CSMD3: variants seen among roughly 807,000 people sequenced by gnomAD.
The protein encoded by CSMD3 is CUB and sushi domain-containing protein 3.
Under a neutral mutation model 435.2 loss-of-function variants are expected in CSMD3, and 177 were observed. The ratio of observed to expected loss-of-function variants is 0.41; its 90% CI spans 0.36 to 0.46. The LOEUF is 0.46. Among genes scored for constraint, CSMD3 ranks in the 20% least tolerant of loss-of-function variants. The pLI is 0.34. For missense variants in CSMD3, 4,265 were observed against 4,504.6 expected (o/e 0.95, Z 1.52); for synonymous variants, 1,656 against 1,520.5 (o/e 1.09, Z -2.07).
intron 40 of CSMD3, among the ~76,000 whole-genome samples, chr8:112,347,381 C>CT (rs1178530002): frequency 6.6e-6 from 1 of 152,122 alleles, no homozygotes; most frequent in East Asian, 1.9e-4. Context: ...ATACAGAATA[C>CT]TTATTTGCAA....
chr8:112,767,589 T>C (rs2078010976), intron 13 of CSMD3, among the ~76,000 whole-genome samples: 1 of 151,748 alleles, frequency 6.6e-6, no homozygotes, highest in African/African-American at 2.4e-5. Context: ...GGAGTTTAAA[T>C]AAATTAATAT....
intron 2 of CSMD3, among the ~76,000 whole-genome samples, chr8:113,288,330 A>G (rs887367247): frequency 6.6e-6 from 1 of 151,892 alleles, no homozygotes; most frequent in African/African-American, 2.4e-5. Context: ...TCAGCTCACT[A>G]TATTTAAAGA....
At chr8:112,270,904 A>G (rs1817476979) in intron 59 of CSMD3, among the ~76,000 whole-genome samples, 1 of 152,150 alleles carries the variant, frequency 6.6e-6, no homozygotes, top group African/African-American at 2.4e-5. Context: ...TGAAGTCTTT[A>G]TATTTTGTCT....
intron 23 of CSMD3, among the ~76,000 whole-genome samples, chr8:112,582,591 T>C (rs1431374230): frequency 6.7e-6 from 1 of 149,720 alleles, no homozygotes; most frequent in Non-Finnish European, 1.5e-5. Flanking sequence ...ATTTTACTTA[T>C]AATGAGATGA....
intron 59 of CSMD3, among the ~76,000 whole-genome samples, chr8:112,268,092 C>T (rs1817122748): frequency 6.6e-6 from 1 of 152,170 alleles, no homozygotes; most frequent in South Asian, 2.1e-4. Flanking sequence ...ATACCCATCT[C>T]TCTCACACAA....
intron 12 of CSMD3, among the ~76,000 whole-genome samples, chr8:112,807,024 C>A (rs951021374): frequency 1.3e-5 from 2 of 152,194 alleles, no homozygotes; most frequent in East Asian, 1.9e-4. Context: ...GCCCACTGCT[C>A]AAGATAACCA....
chr8:112,848,300 A>G (rs184581697), intron 11 of CSMD3, among the ~76,000 whole-genome samples: 1 of 152,178 alleles, frequency 6.6e-6, no homozygotes, highest in African/African-American at 2.4e-5. Context: ...GCATTTATTT[A>G]TAAAGCAGTA....
intron 17 of CSMD3, among the ~76,000 whole-genome samples, chr8:112,660,290 T>C (rs1405862589): frequency 2.0e-5 from 3 of 152,180 alleles, no homozygotes; most frequent in Non-Finnish European, 2.9e-5. Context: ...AGGCCACTGA[T>C]CAAGGAAGTG....
rs569375852 is a variant in CSMD3 at position 113,324,330 on chromosome 8, T to G, written c.179-9537A>C. On this transcript the variant is annotated intron_variant, in intron 1 of 70. Transcript: ENST00000297405. Reference sequence around the variant, plus strand: ...ACAGGCCTTAAGACCTAGGAGAAAATGGTTTCATGGGCTAGGCCTAGGGTC... The same window carrying G: ...ACAGGCCTTAAGACCTAGGAGAAAAGGGTTTCATGGGCTAGGCCTAGGGTC... 3.3e-5 allele frequency among the ~76,000 whole-genome samples: 5 copies of G among 151,758 alleles called. No individual in the cohort carries two copies. In the East Asian group the frequency reaches 5.8e-4, roughly 18 times the overall value.
intron 4 of CSMD3, among the ~76,000 whole-genome samples, chr8:113,123,677 A>G (rs2091046738): frequency 6.6e-6 from 1 of 152,032 alleles, no homozygotes; most frequent in South Asian, 2.1e-4. Context: ...TCAGGAATAA[A>G]GAGAGAGCAC....
chr8:112,690,843 CT>C (rs2076120019), intron 13 of CSMD3, among the ~76,000 whole-genome samples: 1 of 151,822 alleles, frequency 6.6e-6, no homozygotes, highest in African/African-American at 2.4e-5. Flanking sequence ...CACATAAAAT[CT>C]TAGTAATACA....
At position 112,829,681 on chromosome 8, in the gene CSMD3, CT is replaced by C; in HGVS notation, c.1859+4del. 1 of 1,574,650 alleles carries C rather than the reference CT, an allele frequency of 6.4e-7. No homozygotes were observed. Among genetic ancestry groups the C allele is most frequent in the Non-Finnish European group, 8.7e-7 (1 of 1,144,124 alleles). ...TAAGGCAAAAATGAAACATTGGGAA[CT>C]TACACTTGGAGCACTGTCCTAGGAT... On this transcript the variant is annotated splice_donor_region_variant and intron_variant, in intron 12 of 70. Transcript: ENST00000297405.
At chr8:112,407,710 G>T (rs1280857223) in intron 34 of CSMD3, among the ~76,000 whole-genome samples, 2 of 152,002 alleles carry the variant, frequency 1.3e-5, no homozygotes, top group Non-Finnish European at 2.9e-5. Flanking sequence ...AGATACATTT[G>T]AGATTAACTA....
At chr8:113,358,428 C>T (rs1009151668) in intron 1 of CSMD3, among the ~76,000 whole-genome samples, 1 of 152,152 alleles carries the variant, frequency 6.6e-6, no homozygotes, top group African/African-American at 2.4e-5. Context: ...TCTCAGCTAA[C>T]TGCAACCTCC....
At chr8:112,586,103 G>A (rs1171835795) in intron 23 of CSMD3, among the ~76,000 whole-genome samples, 1 of 151,484 alleles carries the variant, frequency 6.6e-6, no homozygotes, top group Non-Finnish European at 1.5e-5. Context: ...AGCATATCAT[G>A]TTATTGTGTT....
At chr8:112,774,638 A>G (rs796267300) in intron 13 of CSMD3, among the ~76,000 whole-genome samples, 5 of 152,060 alleles carry the variant, frequency 3.3e-5, no homozygotes, top group East Asian at 1.9e-4. Context: ...ATCTTTGATT[A>G]TCCCCTATAC....
intron 5 of CSMD3, among the ~76,000 whole-genome samples, chr8:113,022,361 AAC>A (rs151189369): frequency 0.015 from 2,290 of 152,212 alleles, 62 homozygotes; most frequent in African/African-American, 0.052. Flanking sequence ...ACATTTATTC[AAC>A]AGTTATTTAC....
intron 3 of CSMD3, among the ~76,000 whole-genome samples, chr8:113,257,132 G>A (rs1359916843): frequency 1.3e-5 from 2 of 152,148 alleles, no homozygotes; most frequent in Non-Finnish European, 2.9e-5. Flanking sequence ...AAACGGGCCG[G>A]GCGCAGTGGC....
intron 13 of CSMD3, among the ~76,000 whole-genome samples, chr8:112,713,107 G>C (rs1350996252): frequency 6.6e-6 from 1 of 152,042 alleles, no homozygotes; most frequent in Admixed American, 6.6e-5. Flanking sequence ...GAGAAAGGAA[G>C]AGCAGTGTGG....
Sources: gnomAD v4.1 joint callset for allele counts (sites outside exome capture counted in the v4.1 genomes callset) on GRCh38, gnomAD v4.1.1 for gene constraint, MANE v1.5 for transcripts, NCBI Gene and HGNC (gene_info 2026-07-23, HGNC 2026-07-21) for gene names.